The following TOM1 variants were observed in gnomAD, a reference collection of about 807,000 sequenced individuals.
The protein encoded by TOM1 is target of myb1 membrane trafficking protein.
Under a neutral mutation model 61.3 loss-of-function variants are expected in TOM1, and 38 were observed. The ratio of observed to expected loss-of-function variants is 0.62; its 90% CI spans 0.48 to 0.81. The LOEUF is 0.81. TOM1 is among the 40% of genes least tolerant of loss of function. The pLI, the probability that TOM1 is intolerant of heterozygous loss-of-function variation, is 0.00. For missense variants in TOM1, 591 were observed against 659.6 expected, an observed-to-expected ratio of 0.90 and a Z score of 1.14; for synonymous variants, 270 against 268.8, an observed-to-expected ratio of 1.00 and a Z score of -0.04.
intron 1 of TOM1, among the ~76,000 whole-genome samples, chr22:35,306,416 C>T (rs1926334956): frequency 6.6e-6 from 1 of 152,136 alleles, no homozygotes. Flanking sequence ...GTACAGGACC[C>T]ACATTAGATC....
At chr22:35,319,976 C>T (rs1228769147) in intron 2 of TOM1, among the ~76,000 whole-genome samples, 1 of 152,262 alleles carries the variant, frequency 6.6e-6, no homozygotes, top group Non-Finnish European at 1.5e-5. Context: ...GGGTTCCAGG[C>T]TCTCCTGCCT....
intron 12 of TOM1, 58 bp downstream of exon 12, chr22:35,338,846 C>T: frequency 6.8e-7 from 1 of 1,467,638 alleles, no homozygotes; most frequent in Non-Finnish European, 9.1e-7. Context: ...TGAGGGAATG[C>T]TCACCCACTG....
intron 12 of TOM1, among the ~76,000 whole-genome samples, 169 bp downstream of exon 12, chr22:35,338,957 T>C (rs1381492988): frequency 1.3e-5 from 2 of 152,324 alleles, no homozygotes; most frequent in East Asian, 3.9e-4. Flanking sequence ...ATTCCCAGTT[T>C]ATAGCTATGG....
chr22:35,330,819 G>A (rs1928777350), intron 8 of TOM1, among the ~76,000 whole-genome samples: 2 of 152,180 alleles, frequency 1.3e-5, no homozygotes, highest in African/African-American at 4.8e-5. Context: ...CTGGTTCTGG[G>A]GCCTTAGACA....
chr22:35,325,101 G>A (rs952761825), intron 6 of TOM1, among the ~76,000 whole-genome samples: 17 of 152,332 alleles, frequency 1.1e-4, no homozygotes, highest in Middle Eastern at 3.4e-3. Context: ...GCTGGGGTGG[G>A]GGCAGAGGCC....
In TOM1 at chr22:35,344,012, C is replaced by T. The variant is rs1286473540; in HGVS notation, c.1225-1713C>T. On this transcript the variant is annotated intron_variant, in intron 12 of 14. Transcript: ENST00000449058. ...ATACAAACCTACACTCATACACCTA[C>T]ACACACACCTACACTCATACACCTA... Among the ~76,000 whole-genome samples the T allele has an allele frequency of 2.7e-5, 4 of 149,814 alleles. No individual in the cohort carries two copies. The East Asian group carries it at 5.8e-4, about 22-fold the overall frequency.
intron 11 of TOM1, among the ~76,000 whole-genome samples, chr22:35,334,746 A>T (rs1001353791): frequency 6.6e-6 from 1 of 152,152 alleles, no homozygotes; most frequent in Non-Finnish European, 1.5e-5. Flanking sequence ...GGGCAGGCTC[A>T]TTTGCCCCAG....
chr22:35,302,417 C>T (rs916926783), intron 1 of TOM1, among the ~76,000 whole-genome samples: 2 of 132,772 alleles, frequency 1.5e-5, no homozygotes, highest in Non-Finnish European at 3.1e-5. Context: ...CTCACTGCAA[C>T]TTCCGCCTCC....
At chr22:35,343,688 TAC>T (rs1465607567) in intron 12 of TOM1, among the ~76,000 whole-genome samples, 2 of 77,310 alleles carry the variant, frequency 2.6e-5, no homozygotes, top group East Asian at 1.3e-3. Flanking sequence ...ACACCACACC[TAC>T]ACACTCATAC....
chr22:35,339,561 G>A (rs1929688766), intron 12 of TOM1, among the ~76,000 whole-genome samples: 1 of 152,296 alleles, frequency 6.6e-6, no homozygotes, highest in Admixed American at 6.5e-5. Context: ...ATTCCTCTCT[G>A]CCTCTCTAGA....
At chr22:35,333,522 G>A (rs754751420) in intron 10 of TOM1, 25 bp downstream of exon 10, 7 of 1,609,242 alleles carry the variant, frequency 4.3e-6, no homozygotes, top group Non-Finnish European at 5.1e-6. Context: ...GAGGGCTCCA[G>A]CTGAGGGTAC....
upstream of TOM1, chr22:35,299,744 C>T: frequency 1.5e-6 from 1 of 658,758 alleles, no homozygotes; most frequent in Non-Finnish European, 2.6e-6. Flanking sequence ...GCAGTGAGGT[C>T]ATCGCCCTCC....
intron 7 of TOM1, among the ~76,000 whole-genome samples, chr22:35,329,511 C>T (rs1928633912): frequency 6.6e-6 from 1 of 152,246 alleles, no homozygotes. Context: ...GTGGTACTAT[C>T]TTTGCATCTC....
At chr22:35,312,705 G>A (rs1440818405) in intron 1 of TOM1, among the ~76,000 whole-genome samples, 1 of 152,196 alleles carries the variant, frequency 6.6e-6, no homozygotes, top group Non-Finnish European at 1.5e-5. Flanking sequence ...ATGAGCATGT[G>A]AACTGGATGA....
chr22:35,338,913 G>A (rs535334912), intron 12 of TOM1, 125 bp downstream of exon 12: 2 of 894,302 alleles, frequency 2.2e-6, no homozygotes, highest in South Asian at 1.9e-5. Flanking sequence ...TCCTCGTTTG[G>A]CCGTCAGGTC....
chr22:35,334,179 C>T, intron 10 of TOM1, 149 bp from the exon 11 acceptor site: 1 of 1,040,802 alleles, frequency 9.6e-7, no homozygotes, highest in Non-Finnish European at 1.4e-6. Context: ...GCCCCACAGC[C>T]AGCAGCAGGT....
chr22:35,304,793 A>G (rs1378253682), intron 1 of TOM1, among the ~76,000 whole-genome samples: 1 of 152,194 alleles, frequency 6.6e-6, no homozygotes, highest in Admixed American at 6.5e-5. Flanking sequence ...GCTCTGTTTT[A>G]TAGACAGATA....
intron 1 of TOM1, among the ~76,000 whole-genome samples, chr22:35,317,432 C>A (rs1198301070): frequency 6.6e-6 from 1 of 152,208 alleles, no homozygotes; most frequent in African/African-American, 2.4e-5. Context: ...AGGTGATCCA[C>A]CCACCTCAGC....
chr22:35,333,162 C>A, intron 9 of TOM1, 148 bp downstream of exon 9: 3 of 965,972 alleles, frequency 3.1e-6, no homozygotes, highest in South Asian at 1.4e-5. Context: ...TTTTATGTCC[C>A]TGTCCCTTTA....
Sources: gnomAD v4.1 joint callset for allele counts (sites outside exome capture counted in the v4.1 genomes callset) on GRCh38, gnomAD v4.1.1 for gene constraint, MANE v1.5 for transcripts, NCBI Gene and HGNC (gene_info 2026-07-23, HGNC 2026-07-21) for gene names.